DLGAP2: variants seen among roughly 807,000 people sequenced by gnomAD.
The protein encoded by DLGAP2 is DLG associated protein 2.
In DLGAP2, 26 loss-of-function variants were observed where a neutral mutation model predicts 100.3. The ratio of observed to expected loss-of-function variants is 0.26; its 90% CI spans 0.19 to 0.36. The LOEUF (loss-of-function observed/expected upper bound fraction) is 0.36. Among genes scored for constraint, DLGAP2 ranks in the 10% least tolerant of loss-of-function variants. The probability of loss-of-function intolerance (pLI) is 1.00; values close to 1 mark genes in which losing one functional copy is unlikely to be tolerated. For missense variants in DLGAP2, 1,858 were observed against 1,453.2 expected (o/e 1.28, Z -4.53); for synonymous variants, 886 against 630.1 (o/e 1.41, Z -6.08).
At chr8:1,658,244 A>G (rs1410170739) in intron 8 of DLGAP2, among the ~76,000 whole-genome samples, 5 of 152,068 alleles carry the variant, frequency 3.3e-5, no homozygotes, top group Non-Finnish European at 1.5e-5. Context: ...CATACTGACA[A>G]GCAAAAGCGA....
intron 6 of DLGAP2, among the ~76,000 whole-genome samples, chr8:1,600,571 C>A (rs1366802288): frequency 6.6e-6 from 1 of 152,058 alleles, no homozygotes. Flanking sequence ...TTGTTTGTTC[C>A]TTTTTGTTCT....
At chr8:1,345,508 A>G (rs1041789546) in intron 3 of DLGAP2, among the ~76,000 whole-genome samples, 2 of 152,246 alleles carry the variant, frequency 1.3e-5, no homozygotes, top group Admixed American at 6.5e-5. Flanking sequence ...ATTACTTGGC[A>G]TAAGTTTTTC....
intron 7 of DLGAP2, among the ~76,000 whole-genome samples, chr8:1,630,179 G>A (rs1797606708): frequency 6.6e-6 from 1 of 152,160 alleles, no homozygotes. Context: ...CTGGAATGCT[G>A]GTAGTAAGTG....
intron 3 of DLGAP2, among the ~76,000 whole-genome samples, chr8:1,436,452 G>C (rs1006946570): frequency 2.0e-5 from 3 of 152,134 alleles, no homozygotes; most frequent in Non-Finnish European, 4.4e-5. Flanking sequence ...TGCCCACCCA[G>C]ACTGAGGGTG....
intron 2 of DLGAP2, among the ~76,000 whole-genome samples, chr8:1,123,374 C>T (rs1018742242): frequency 1.3e-5 from 2 of 152,286 alleles, no homozygotes; most frequent in East Asian, 1.9e-4. Context: ...ACACCTGAGG[C>T]TTAGTAGGTA....
intron 2 of DLGAP2, among the ~76,000 whole-genome samples, chr8:1,121,636 AC>A (rs1287047478): frequency 2.0e-5 from 3 of 151,548 alleles, no homozygotes; most frequent in Non-Finnish European, 4.4e-5. Context: ...TCCCTTCAGA[AC>A]CCCTGATCAC....
chr8:835,554 G>A (rs1275805661), intron 1 of DLGAP2, among the ~76,000 whole-genome samples: 2 of 149,318 alleles, frequency 1.3e-5, no homozygotes, highest in South Asian at 2.2e-4. Flanking sequence ...GTGGTCCCCC[G>A]TGCTCCTGTG....
chr8:1,463,683 A>G (rs906526482), intron 3 of DLGAP2, among the ~76,000 whole-genome samples: 2 of 152,246 alleles, frequency 1.3e-5, no homozygotes, highest in African/African-American at 4.8e-5. Context: ...CCCAGCAAGC[A>G]TTCGTGAAAA....
intron 3 of DLGAP2, among the ~76,000 whole-genome samples, chr8:1,434,723 C>G (rs552480572): frequency 1.3e-5 from 2 of 152,168 alleles, no homozygotes; most frequent in African/African-American, 4.8e-5. Flanking sequence ...AATCTTCCAG[C>G]CTTTGTCTTC....
chr8:1,415,363 T>C (rs544963094), intron 3 of DLGAP2, among the ~76,000 whole-genome samples: 3 of 152,324 alleles, frequency 2.0e-5, no homozygotes, highest in African/African-American at 7.2e-5. Flanking sequence ...GTTTGTTACA[T>C]GGATTTATTT....
chr8:1,140,913 G>C (rs543130684), intron 2 of DLGAP2, among the ~76,000 whole-genome samples: 1 of 152,210 alleles, frequency 6.6e-6, no homozygotes. Context: ...GAACCGGGGG[G>C]TGGAGGTTGC....
At chr8:1,440,741 G>T (rs1462265517) in intron 3 of DLGAP2, among the ~76,000 whole-genome samples, 1 of 152,214 alleles carries the variant, frequency 6.6e-6, no homozygotes, top group Non-Finnish European at 1.5e-5. Flanking sequence ...CCCCGACATT[G>T]GTGGAGGCAA....
At chr8:1,284,289 A>G (rs1182504830) in intron 3 of DLGAP2, among the ~76,000 whole-genome samples, 1 of 152,158 alleles carries the variant, frequency 6.6e-6, no homozygotes, top group East Asian at 1.9e-4. Context: ...GCCTGTGCTG[A>G]AGATGATGGA....
At chr8:1,143,072 C>T (rs1464151630) in intron 2 of DLGAP2, among the ~76,000 whole-genome samples, 1 of 152,166 alleles carries the variant, frequency 6.6e-6, no homozygotes, top group African/African-American at 2.4e-5. Flanking sequence ...GACTGCCGGC[C>T]ACAGCGGGGC....
At chr8:1,200,803 A>G (rs1393487390) in intron 2 of DLGAP2, among the ~76,000 whole-genome samples, 1 of 152,222 alleles carries the variant, frequency 6.6e-6, no homozygotes, top group Non-Finnish European at 1.5e-5. Flanking sequence ...GAAGACTCTG[A>G]GAGAATGGAG....
At chr8:1,072,252 A>G (rs949424162) in intron 2 of DLGAP2, among the ~76,000 whole-genome samples, 3 of 152,006 alleles carry the variant, frequency 2.0e-5, no homozygotes, top group African/African-American at 7.2e-5. Flanking sequence ...GATGCAGGGC[A>G]CTCTCTCCAG....
At chr8:1,614,727 A>G (rs1489923927) in intron 6 of DLGAP2, among the ~76,000 whole-genome samples, 2 of 152,236 alleles carry the variant, frequency 1.3e-5, no homozygotes, top group African/African-American at 2.4e-5. Context: ...TGGCGACACG[A>G]TTTTTTAAAA....
chr8:1,250,765 T>C (rs1799021584), intron 2 of DLGAP2, among the ~76,000 whole-genome samples: 1 of 152,216 alleles, frequency 6.6e-6, no homozygotes, highest in African/African-American at 2.4e-5. Flanking sequence ...AATGCAATTA[T>C]GTAATTGAAG....
intron 3 of DLGAP2, among the ~76,000 whole-genome samples, chr8:1,374,315 C>T (rs7016018): frequency 6.6e-6 from 1 of 152,134 alleles, no homozygotes; most frequent in African/African-American, 2.4e-5. Flanking sequence ...CCCTGCCCCA[C>T]GGTGGTCCCA....
Sources: gnomAD v4.1 joint callset for allele counts (sites outside exome capture counted in the v4.1 genomes callset) on GRCh38, gnomAD v4.1.1 for gene constraint, MANE v1.5 for transcripts, NCBI Gene and HGNC (gene_info 2026-07-23, HGNC 2026-07-21) for gene names.